The following ALDH2 variants were observed in gnomAD, a reference collection of about 807,000 sequenced individuals.
ALDH2 encodes the protein aldehyde dehydrogenase 2 family member, also known as aldehyde dehydrogenase, mitochondrial.
ALDH2 carries 44 observed loss-of-function variants against 59.6 expected under a neutral mutation model. The ratio of observed to expected loss-of-function variants is 0.74; its 90% CI spans 0.58 to 0.95. The LOEUF (loss-of-function observed/expected upper bound fraction) is 0.95. ALDH2 is among the 40% of genes least tolerant of loss of function. The pLI is 0.00. For synonymous variants in ALDH2, 291 were observed against 284.0 expected (o/e 1.02, Z -0.25); for missense variants, 570 against 696.3 (o/e 0.82, Z 2.04).
At chr12:111,803,607 C>T (rs1000931454) in intron 11 of ALDH2, among the ~76,000 whole-genome samples, 7 of 151,686 alleles carry the variant, frequency 4.6e-5, no homozygotes, top group South Asian at 2.1e-4. Flanking sequence ...CGTGGTTGCA[C>T]GTGCTGGTAG....
At chr12:111,806,738 G>A (rs749842315) in intron 12 of ALDH2, among the ~76,000 whole-genome samples, 11 of 152,134 alleles carry the variant, frequency 7.2e-5, no homozygotes, top group African/African-American at 2.4e-4. Context: ...TTGGGAGGCC[G>A]AGATGGGCAG....
intron 1 of ALDH2, among the ~76,000 whole-genome samples, chr12:111,770,162 G>A (rs930807427): frequency 1.3e-5 from 2 of 150,840 alleles, no homozygotes; most frequent in African/African-American, 4.9e-5. Context: ...AAAAAAATGT[G>A]GGGGGTAAAA....
In ALDH2 at chr12:111,777,308, G is replaced by A. The variant is rs567761047; in HGVS notation, c.115-4610G>A. Among the ~76,000 whole-genome samples the A allele has an allele frequency of 2.0e-5, 3 of 152,344 alleles. No individual in the cohort carries two copies. The South Asian group carries it at 6.2e-4, about 32-fold the overall frequency. On this transcript the variant is annotated intron_variant, in intron 1 of 12. Coordinates refer to ENST00000261733, the MANE Select transcript of ALDH2 (RefSeq NM_000690.4). ...AATCCAAGTACACAGAACCGCTGGT[G>A]TGGGGCTGGTTCTTGAGGGGTAGCT...
In ALDH2 at chr12:111,814,877, C is replaced by A. The variant is rs1398381783; in HGVS notation, c.*5302C>A. 1 of 151,210 alleles carries A rather than the reference C, an allele frequency of 6.6e-6. No homozygotes were observed. Among genetic ancestry groups the A allele is most frequent in the Non-Finnish European group, 1.5e-5 (1 of 67,786 alleles). The allele number at this position is 151,210 out of a possible 1,614,324, so 9.4% of individuals were successfully genotyped here. ...AGTAAATGCTATGTTATGTGAATTT[C>A]ACCTCAACTGAAAAAAACAGGGTCC... On this transcript the variant is annotated 3_prime_UTR_variant, in exon 13 of 13. Coordinates refer to ENST00000261733, the MANE Select transcript of ALDH2 (RefSeq NM_000690.4).
intron 11 of ALDH2, among the ~76,000 whole-genome samples, chr12:111,803,364 G>A (rs1199494424): frequency 6.6e-6 from 1 of 151,878 alleles, no homozygotes; most frequent in South Asian, 2.1e-4. Context: ...TTGGGAGCCT[G>A]AGGCAGGAGA....
intron 8 of ALDH2, 82 bp downstream of exon 8, chr12:111,792,245 C>T (rs1173571533): frequency 1.8e-6 from 2 of 1,090,302 alleles, no homozygotes; most frequent in African/African-American, 3.2e-5. Context: ...CCTGTCGCCC[C>T]CCCAGTGCCC....
chr12:111,809,600 GC>G lies in ALDH2; in HGVS notation c.*27del, dbSNP rs1261002460. ...AGAATCATGCAAGCTTCCTCCCTCA[GC>G]CATTGATGGAAAGTTCAGCAAGATC... On this transcript the variant is annotated 3_prime_UTR_variant, in exon 13 of 13. Transcript: ENST00000261733. 6.2e-7 allele frequency: 1 copy of G among 1,613,302 alleles called. No individual in the cohort carries two copies. The highest frequency in any genetic ancestry group is 8.5e-7 in the Non-Finnish European group (1 of 1,179,418).
At chr12:111,774,165 TG>T (rs1230272045) in intron 1 of ALDH2, among the ~76,000 whole-genome samples, 1 of 151,786 alleles carries the variant, frequency 6.6e-6, no homozygotes, top group Admixed American at 6.6e-5. Flanking sequence ...GGCCCTGGGG[TG>T]GGGGAGTGGG....
chr12:111,768,917 G>A (rs562217362), intron 1 of ALDH2, among the ~76,000 whole-genome samples: 2 of 152,352 alleles, frequency 1.3e-5, no homozygotes, highest in Admixed American at 6.5e-5. Context: ...CTAGGAGTTC[G>A]AGGCTGCAGT....
At chr12:111,778,564 A>C (rs933498946) in intron 1 of ALDH2, among the ~76,000 whole-genome samples, 7 of 143,954 alleles carry the variant, frequency 4.9e-5, no homozygotes, top group African/African-American at 1.6e-4. Context: ...GAAAAAAAAA[A>C]CCCTCACACC....
intron 12 of ALDH2, among the ~76,000 whole-genome samples, chr12:111,807,132 G>A (rs1466849526): frequency 3.3e-5 from 5 of 151,712 alleles, no homozygotes; most frequent in Admixed American, 6.6e-5. Flanking sequence ...GCGTGGTGGC[G>A]AGTGCCTGTA....
In ALDH2 at chr12:111,815,654, T is replaced by A. The variant is rs2068564868; in HGVS notation, c.*6079T>A. The A allele has an allele frequency of 6.6e-6, 1 of 152,094 alleles. No individual in the cohort carries two copies. Among genetic ancestry groups the A allele is most frequent in the Non-Finnish European group, 1.5e-5 (1 of 68,028 alleles). 9.4% of individuals were successfully genotyped at this position (152,094 alleles called of 1,614,324 possible). ...ACCTGAGAGTCTAATGGCTTATTTT[T>A]TGTAGAGATGGGGTCTCACTGTGTT... On this transcript the variant is annotated 3_prime_UTR_variant, in exon 13 of 13. Transcript: ENST00000261733.
chr12:111,795,749 G>A (rs530550398), intron 9 of ALDH2, among the ~76,000 whole-genome samples: 1 of 150,068 alleles, frequency 6.7e-6, no homozygotes, highest in East Asian at 2.0e-4. Flanking sequence ...CCACCACCAT[G>A]CCCAGCTAAT....
At chr12:111,795,224 T>C (rs1333266101) in intron 9 of ALDH2, among the ~76,000 whole-genome samples, 1 of 152,206 alleles carries the variant, frequency 6.6e-6, no homozygotes, top group East Asian at 1.9e-4. Flanking sequence ...TATTAATCTG[T>C]TGACAGACTT....
At chr12:111,792,563 C>T in intron 8 of ALDH2, 35 bp from the exon 9 acceptor site, 1 of 1,596,944 alleles carries the variant, frequency 6.3e-7, no homozygotes, top group Non-Finnish European at 8.5e-7. Context: ...CTCCTCCTCA[C>T]TGTCACCTTT....
intron 12 of ALDH2, among the ~76,000 whole-genome samples, chr12:111,806,218 G>C (rs2068492795): frequency 6.6e-6 from 1 of 151,558 alleles, no homozygotes; most frequent in Non-Finnish European, 1.5e-5. Context: ...TCAGGAGGCT[G>C]AGGCGGAAGA....
intron 4 of ALDH2, among the ~76,000 whole-genome samples, chr12:111,789,221 C>G (rs2068336527): frequency 6.6e-6 from 1 of 150,868 alleles, no homozygotes; most frequent in Non-Finnish European, 1.5e-5. Flanking sequence ...GTTTCACCAC[C>G]TTGGCCAGGC....
At chr12:111,794,567 T>A (rs992333222) in intron 9 of ALDH2, among the ~76,000 whole-genome samples, 11 of 152,098 alleles carry the variant, frequency 7.2e-5, no homozygotes, top group African/African-American at 2.7e-4. Flanking sequence ...AATGCAGTGG[T>A]GTGATCATGG....
At chr12:111,772,361 CTTTGTTTTTGTT>C (rs959686396) in intron 1 of ALDH2, among the ~76,000 whole-genome samples, 1 of 151,892 alleles carries the variant, frequency 6.6e-6, no homozygotes, top group Non-Finnish European at 1.5e-5. Context: ...TAGGAGTGTC[CTTTGTTTTTGTT>C]TTTGTTTTTG....
Sources: allele counts gnomAD v4.1 joint callset (sites outside exome capture counted in the v4.1 genomes callset), GRCh38; gene constraint gnomAD v4.1.1; transcripts MANE v1.5; gene names NCBI Gene and HGNC (gene_info 2026-07-23, HGNC 2026-07-21).